AGTPBP1: variants seen among roughly 807,000 people sequenced by gnomAD.
AGTPBP1 encodes the protein cytosolic carboxypeptidase 1.
AGTPBP1 carries 70 observed loss-of-function variants against 143.9 expected under a neutral mutation model. The ratio of observed to expected loss-of-function variants is 0.49; its 90% confidence interval spans 0.40 to 0.59. The LOEUF (loss-of-function observed/expected upper bound fraction) is 0.59, where lower values mean the gene tolerates loss of function less well. AGTPBP1 is among the 20% of genes least tolerant of loss of function. The probability of loss-of-function intolerance (pLI) is 0.00; values close to 1 mark genes in which losing one functional copy is unlikely to be tolerated. For synonymous variants in AGTPBP1, 463 were observed against 500.2 expected (o/e 0.93, Z 0.99); for missense variants, 1,229 against 1,464.5 (o/e 0.84, Z 2.62).
At chr9:85,609,036 G>C (rs1564060238) in intron 17 of AGTPBP1, among the ~76,000 whole-genome samples, 1 of 152,052 alleles carries the variant, frequency 6.6e-6, no homozygotes, top group Non-Finnish European at 1.5e-5. Flanking sequence ...TGTAAATATG[G>C]AAAGAAAACA....
chr9:85,647,560 A>G (rs2133866552), intron 11 of AGTPBP1, among the ~76,000 whole-genome samples: 1 of 152,356 alleles, frequency 6.6e-6, no homozygotes, highest in South Asian at 2.1e-4. Context: ...TATAATACCA[A>G]AGATAAATGC....
the AGTPBP1 span, among the ~76,000 whole-genome samples, chr9:85,789,756 G>A: frequency 2.6e-5 from 4 of 152,104 alleles, no homozygotes; most frequent in Non-Finnish European, 5.9e-5. Flanking sequence ...GCCTTGTTCA[G>A]TCTAGGCCAG....
chr9:85,649,367 GT>G (rs1833009141), intron 11 of AGTPBP1, among the ~76,000 whole-genome samples: 2 of 152,066 alleles, frequency 1.3e-5, no homozygotes, highest in Non-Finnish European at 2.9e-5. Flanking sequence ...TTTTCTATGT[GT>G]TTTTTGTTGA....
At chr9:85,646,454 T>C in intron 11 of AGTPBP1, 36 bp from the exon 12 acceptor site, 2 of 1,476,916 alleles carry the variant, frequency 1.4e-6, no homozygotes, top group African/African-American at 1.4e-5. Context: ...AGGTCAGAGG[T>C]AAGCATTCTA....
Position 85,672,687 on chromosome 9 carries a change from TAA to T in AGTPBP1, c.437-8_437-7del, listed in dbSNP as rs376074133. 1.0e-4 allele frequency: 123 copies of T among 1,180,330 alleles called. No individual in the cohort carries two copies. The highest frequency in any genetic ancestry group is 1.1e-4 in the Non-Finnish European group (95 of 868,008). 73.1% of individuals were successfully genotyped at this position (1,180,330 alleles called of 1,614,324 possible). On this transcript the variant is annotated splice_polypyrimidine_tract_variant and splice_region_variant and intron_variant, in intron 6 of 25. Coordinates refer to ENST00000357081, the MANE Select transcript of AGTPBP1 (RefSeq NM_001330701.2). ...CTTTACTCCAAATTTTTTATCTGTT[TAA>T]AAAAAAAAAAGACAATTTATGCACA...
chr9:85,594,959 G>A (rs1457664507), intron 18 of AGTPBP1, among the ~76,000 whole-genome samples: 1 of 152,186 alleles, frequency 6.6e-6, no homozygotes, highest in Non-Finnish European at 1.5e-5. Context: ...GCCAAGCACT[G>A]CTCAGATAGT....
At chr9:85,762,001 C>G in the AGTPBP1 span, among the ~76,000 whole-genome samples, 1 of 152,142 alleles carries the variant, frequency 6.6e-6, no homozygotes, top group Non-Finnish European at 1.5e-5. Flanking sequence ...ATTTATGCAG[C>G]CAACAGACAC....
chr9:85,723,315 C>T (rs769319068), intron 1 of AGTPBP1, among the ~76,000 whole-genome samples: 12 of 152,216 alleles, frequency 7.9e-5, no homozygotes, highest in Non-Finnish European at 1.3e-4. Context: ...CCTTGCTGAG[C>T]TATGGTGGGC....
Position 85,575,347 on chromosome 9 carries a change from AT to A in AGTPBP1, c.3470del (p.Asn1157MetfsTer3). On this transcript the variant is annotated frameshift_variant, in exon 25 of 26. Coordinates refer to ENST00000357081, the MANE Select transcript of AGTPBP1 (RefSeq NM_001330701.2). LOFTEE classifies it high-confidence loss of function. The stretch of plus-strand genomic sequence containing the variant: ...CTTTGCAGCTTGATTCAATTAAATC[AT>A]TTTCAAAGTCAAGCAGGCTGGAAGG... ...NLPSSLLDFE[N>X]DLIESSCKVT... The A allele has an allele frequency of 6.3e-7, 1 of 1,598,958 alleles. No homozygotes were observed. The highest frequency in any genetic ancestry group is 8.5e-7 in the Non-Finnish European group (1 of 1,175,774).
Position 85,586,222 on chromosome 9 carries a change from T to A in AGTPBP1, c.3033+609A>T, listed in dbSNP as rs546270880. On this transcript the variant is annotated intron_variant, in intron 22 of 25. Transcript: ENST00000357081. ...CTCCATCTCGAAAAAAAAAAAAAAA[T>A]TAAAAACAAAGAATAACAACAAACA... 6.9e-3 allele frequency among the ~76,000 whole-genome samples: 1,003 copies of A among 145,188 alleles called. 6 individuals carry two copies. The highest frequency in any genetic ancestry group is 0.026 in the Middle Eastern group (7 of 274).
intron 17 of AGTPBP1, among the ~76,000 whole-genome samples, chr9:85,611,132 T>C (rs554143428): frequency 6.7e-6 from 1 of 149,968 alleles, no homozygotes; most frequent in African/African-American, 2.4e-5. Context: ...TCGTGATCTG[T>C]ATCTTGTGGT....
intron 19 of AGTPBP1, 82 bp downstream of exon 19, chr9:85,592,478 T>C (rs1829032898): frequency 2.1e-6 from 2 of 930,872 alleles, no homozygotes; most frequent in South Asian, 2.2e-5. Flanking sequence ...ATTATCCTTA[T>C]GTTAGAATAT....
At chr9:85,737,234 G>T (rs1190952638) in intron 1 of AGTPBP1, among the ~76,000 whole-genome samples, 1 of 152,148 alleles carries the variant, frequency 6.6e-6, no homozygotes, top group East Asian at 1.9e-4. Context: ...AACCATTTCT[G>T]CTACATACTG....
rs757067050 is a variant in AGTPBP1, at chr9:85,633,193, A to G, written c.1484T>C (p.Met495Thr). ...GDEGEKKSTFMDLAKEDIKDN... is the reference protein window; with the variant it reads ...GDEGEKKSTFTDLAKEDIKDN... ...TTTAATATCTTCTTTTGCTAGATCC[A>G]TAAAGGTAGACTTCTTTTCACCTTC... Residue 495 changes from methionine (M) to threonine (T), a missense_variant, in exon 14 of 26, where the codon ATG becomes ACG. Physicochemically the swap from Met to Thr is moderately conservative, Grantham distance 81. Transcript: ENST00000357081. The G allele has an allele frequency of 3.7e-6, 6 of 1,613,538 alleles. No individual in the cohort carries two copies. Among genetic ancestry groups the G allele is most frequent in the Non-Finnish European group, 5.1e-6 (6 of 1,179,898 alleles).
chr9:85,626,365 T>C (rs1831296162), intron 14 of AGTPBP1, among the ~76,000 whole-genome samples: 1 of 152,224 alleles, frequency 6.6e-6, no homozygotes, highest in African/African-American at 2.4e-5. Flanking sequence ...ACTGAAATCA[T>C]GTAAAGGAGT....
At chr9:85,589,791 C>A (rs564400285) in intron 19 of AGTPBP1, 110 bp from the exon 20 acceptor site, 18 of 1,129,008 alleles carry the variant, frequency 1.6e-5, no homozygotes, top group Non-Finnish European at 2.0e-5. Flanking sequence ...AGATTCTTAA[C>A]CCCTTATCCA....
intron 12 of AGTPBP1, 95 bp from the exon 13 acceptor site, chr9:85,643,038 A>G (rs1228816785): frequency 1.3e-6 from 1 of 762,928 alleles, no homozygotes; most frequent in African/African-American, 1.8e-5. Context: ...GTTATTAATT[A>G]CATGTAATTA....
chr9:85,756,375 A>G, the AGTPBP1 span: 5 of 1,011,764 alleles, frequency 4.9e-6, no homozygotes, highest in Non-Finnish European at 6.6e-6. Context: ...TGGGACCTTC[A>G]TACACTGCTG....
intron 17 of AGTPBP1, among the ~76,000 whole-genome samples, 175 bp downstream of exon 17, chr9:85,618,808 T>C (rs1222326465): frequency 6.6e-6 from 1 of 152,196 alleles, no homozygotes. Flanking sequence ...GTAACTCTTT[T>C]TCACCAACAA....
Sources: allele counts gnomAD v4.1 joint callset (sites outside exome capture counted in the v4.1 genomes callset), GRCh38; gene constraint gnomAD v4.1.1; transcripts MANE v1.5; gene names NCBI Gene and HGNC (gene_info 2026-07-23, HGNC 2026-07-21).